The following VPS13C variants were observed in gnomAD, a reference collection of about 807,000 sequenced individuals.
VPS13C encodes the protein vacuolar protein sorting 13 homolog C.
Under a neutral mutation model 456.8 loss-of-function variants are expected in VPS13C, and 358 were observed. The observed-to-expected ratio is 0.78, with a 90% CI of 0.72 to 0.86. The LOEUF (loss-of-function observed/expected upper bound fraction) is 0.86, where lower values mean the gene tolerates loss of function less well. VPS13C is among the 40% of genes least tolerant of loss of function. The probability of loss-of-function intolerance (pLI) is 0.00; values close to 1 mark genes in which losing one functional copy is unlikely to be tolerated. For synonymous variants in VPS13C, 1,578 were observed against 1,486.7 expected (o/e 1.06, Z -1.41); for missense variants, 4,818 against 4,385.4 (o/e 1.10, Z -2.79).
intron 2 of VPS13C, among the ~76,000 whole-genome samples, chr15:62,042,558 C>T (rs905850274): frequency 6.6e-6 from 1 of 151,686 alleles, no homozygotes; most frequent in Non-Finnish European, 1.5e-5. Flanking sequence ...CCAATAAGAG[C>T]AGCTCTGTCC....
intron 58 of VPS13C, among the ~76,000 whole-genome samples, chr15:61,918,656 C>T (rs1669673225): frequency 6.6e-6 from 1 of 151,986 alleles, no homozygotes; most frequent in Admixed American, 6.6e-5. Flanking sequence ...TTCTTGACAT[C>T]AGTCTGTTAC....
At chr15:61,925,412 A>T in intron 53 of VPS13C, 44 bp downstream of exon 53, 1 of 1,245,102 alleles carries the variant, frequency 8.0e-7, no homozygotes, top group Non-Finnish European at 1.1e-6. Context: ...AATGTCGTGA[A>T]GAAAAATAAG....
At position 62,012,125 on chromosome 15, in the gene VPS13C, G is replaced by C; in HGVS notation, c.865C>G (p.Pro289Ala). Residue 289 changes from proline (P) to alanine (A), a missense_variant, in exon 12 of 85, where the codon CCC (proline) becomes GCC (alanine). Pro to Ala is a conservative substitution (Grantham distance 27). Coordinates refer to ENST00000644861, the MANE Select transcript of VPS13C (RefSeq NM_020821.3). Reference sequence around the variant, plus strand: ...TACTTACTGTATTGATAATTTGGGGGTATATTTCCACTTGTAAGAATTTCA... The same window carrying C: ...TACTTACTGTATTGATAATTTGGGGCTATATTTCCACTTGTAAGAATTTCA... Reference protein sequence around the residue: ...KNEILTSGNIPPNYQYIFQPI... With the variant: ...KNEILTSGNIAPNYQYIFQPI... 6.5e-7 allele frequency: 1 copy of C among 1,535,362 alleles called. No homozygotes were observed. Among genetic ancestry groups the C allele is most frequent in the Non-Finnish European group, 9.0e-7 (1 of 1,113,748 alleles).
At chr15:62,029,680 G>T (rs1033846335) in intron 5 of VPS13C, among the ~76,000 whole-genome samples, 2 of 151,976 alleles carry the variant, frequency 1.3e-5, no homozygotes, top group African/African-American at 4.8e-5. Context: ...GTCTTTGACA[G>T]GAGGGTCCAA....
chr15:62,024,559 C>T (rs56783621), intron 6 of VPS13C, among the ~76,000 whole-genome samples: 2,394 of 152,170 alleles, frequency 0.016, 79 homozygotes, highest in African/African-American at 0.056. Flanking sequence ...GTATTATCTA[C>T]TGATCTCTAG....
Position 62,006,790 on chromosome 15 carries a change from C to T in VPS13C, c.1290+518G>A, listed in dbSNP as rs1032270886. Among the ~76,000 whole-genome samples, 6 of 152,068 alleles carry T rather than the reference C, an allele frequency of 3.9e-5. No homozygotes were observed. In the South Asian group the frequency reaches 6.3e-4, roughly 16 times the overall value. ...TGTTGTTTCCTGACTTTTTAATGGTCGCCATTCTAACTGGTGTGAGATGGT... is the reference window on the plus strand; with the variant it reads ...TGTTGTTTCCTGACTTTTTAATGGTTGCCATTCTAACTGGTGTGAGATGGT... On this transcript the variant is annotated intron_variant, in intron 15 of 84. Coordinates refer to ENST00000644861, the MANE Select transcript of VPS13C (RefSeq NM_020821.3).
chr15:61,920,356 T>C (rs766490315), intron 56 of VPS13C, 25 bp from the exon 57 acceptor site: 3 of 1,540,512 alleles, frequency 1.9e-6, no homozygotes, highest in East Asian at 4.6e-5. Flanking sequence ...ATCATCACAG[T>C]AAAATTTTTG....
chr15:62,008,891 T>C (rs781420563), intron 13 of VPS13C, 130 bp from the exon 14 acceptor site: 6 of 434,908 alleles, frequency 1.4e-5, no homozygotes, highest in African/African-American at 2.0e-5. Flanking sequence ...TCCAATAATA[T>C]ACTGTATTTC....
intron 48 of VPS13C, among the ~76,000 whole-genome samples, 154 bp downstream of exon 48, chr15:61,936,443 C>T (rs545261023): frequency 6.6e-6 from 1 of 152,348 alleles, no homozygotes; most frequent in East Asian, 1.9e-4. Flanking sequence ...AGAGAACAGA[C>T]ATACCTCCCA....
At position 61,904,061 on chromosome 15, in the gene VPS13C, A is replaced by G. The variant is rs1170314292; in HGVS notation, c.9105+3203T>C. On this transcript the variant is annotated intron_variant, in intron 66 of 84. Transcript: ENST00000644861. ...GAAAACATTGGGGAAATGCTTTAGGACACTGGTCTAGGCAAAGACTTTGGA... is the reference window on the plus strand; with the variant it reads ...GAAAACATTGGGGAAATGCTTTAGGGCACTGGTCTAGGCAAAGACTTTGGA... Among the ~76,000 whole-genome samples, 5 of 152,152 alleles carry G rather than the reference A, an allele frequency of 3.3e-5. No individual in the cohort carries two copies. In the East Asian group the frequency reaches 9.6e-4, roughly 29 times the overall value.
intron 9 of VPS13C, among the ~76,000 whole-genome samples, chr15:62,016,570 C>A (rs893397740): frequency 6.6e-6 from 1 of 151,768 alleles, no homozygotes; most frequent in Non-Finnish European, 1.5e-5. Context: ...TGGTTTCCAG[C>A]TTCATCCATG....
intron 47 of VPS13C, among the ~76,000 whole-genome samples, chr15:61,937,182 T>C (rs1019796982): frequency 4.5e-4 from 69 of 152,224 alleles, no homozygotes; most frequent in African/African-American, 1.5e-3. Flanking sequence ...AGTAAAAAGA[T>C]GCTCTCCTGC....
intron 2 of VPS13C, 70 bp from the exon 3 acceptor site, chr15:62,041,436 G>A: frequency 1.4e-6 from 2 of 1,443,044 alleles, no homozygotes; most frequent in South Asian, 2.5e-5. Flanking sequence ...ACTTTTGTGT[G>A]ATCATTTAAA....
chr15:62,053,452 T>A (rs756135972), intron 1 of VPS13C, among the ~76,000 whole-genome samples: 1 of 152,218 alleles, frequency 6.6e-6, no homozygotes, highest in African/African-American at 2.4e-5. Context: ...TGACTGTGGC[T>A]CTTTACTCAC....
intron 35 of VPS13C, among the ~76,000 whole-genome samples, chr15:61,961,045 C>T (rs1479565187): frequency 1.3e-5 from 2 of 151,678 alleles, no homozygotes; most frequent in African/African-American, 2.4e-5. Flanking sequence ...TGCACCATTG[C>T]ACTCCAGCCT....
chr15:61,891,710 T>C (rs1255333092), intron 66 of VPS13C, among the ~76,000 whole-genome samples: 2 of 152,238 alleles, frequency 1.3e-5, no homozygotes, highest in Non-Finnish European at 2.9e-5. Context: ...TTCTGTGTCA[T>C]ATTATCATTA....
At chr15:61,895,290 A>G (rs1486040944) in intron 66 of VPS13C, among the ~76,000 whole-genome samples, 2 of 152,116 alleles carry the variant, frequency 1.3e-5, no homozygotes, top group African/African-American at 4.8e-5. Flanking sequence ...ACCTAACAGT[A>G]TACCTTAAGA....
chr15:61,920,229 T>C lies in VPS13C; in HGVS notation c.7315A>G (p.Asn2439Asp), dbSNP rs745881926. 8 of 1,613,638 alleles carry C rather than the reference T, an allele frequency of 5.0e-6. 1 individual carries two copies. In the East Asian group the frequency reaches 1.3e-4, roughly 27 times the overall value. The change falls in exon 57 of 85, where the codon AAT becomes GAT. Residue 2439 changes from asparagine (N) to aspartate (D), a missense_variant. Around this residue, in one of 3 missense-constraint regions of VPS13C, gnomAD observed 4,552 missense variants for 4,130.6 expected, o/e 1.10. Transcript: ENST00000644861. ...AAGCCCATTACTCTGAGATTACAAT[T>C]GGGCTTCACCTTAATGGGAACACCT... is the stretch of plus-strand genomic sequence containing the variant. ...AVGVPIKVKP[N>D]CNLRVMGFPE...
intron 15 of VPS13C, among the ~76,000 whole-genome samples, chr15:62,001,509 GTATT>G (rs142779946): frequency 0.011 from 1,681 of 151,818 alleles, 41 homozygotes; most frequent in African/African-American, 0.039. Context: ...TTGTTTGTTC[GTATT>G]TACTTTTTTT....
Sources: gnomAD v4.1 joint callset for allele counts (sites outside exome capture counted in the v4.1 genomes callset) on GRCh38, gnomAD v4.1.1 for gene constraint, gnomAD v4.1.1 regional missense constraint, MANE v1.5 for transcripts, NCBI Gene and HGNC (gene_info 2026-07-23, HGNC 2026-07-21) for gene names.